The following FPR3 variants were observed in gnomAD, a reference collection of about 807,000 sequenced individuals.
FPR3 encodes formyl peptide receptor 3, also known as N-formyl peptide receptor 3.
For synonymous variants in FPR3, 135 were observed against 163.6 expected, an observed-to-expected ratio of 0.83 and a Z score of 1.34; for missense variants, 346 against 443.2, an observed-to-expected ratio of 0.78 and a Z score of 1.97.
intron 1 of FPR3, among the ~76,000 whole-genome samples, chr19:51,804,308 G>T (rs1400629897): frequency 6.6e-6 from 1 of 152,026 alleles, no homozygotes; most frequent in Non-Finnish European, 1.5e-5. Flanking sequence ...CCAGATCTAG[G>T]AAACGTAATC....
At chr19:51,799,902 C>T (rs759009632) in intron 1 of FPR3, among the ~76,000 whole-genome samples, 18 of 152,358 alleles carry the variant, frequency 1.2e-4, no homozygotes, top group Admixed American at 9.8e-4. Flanking sequence ...TACTGGCCTC[C>T]AGCCAGAGAG....
intron 1 of FPR3, among the ~76,000 whole-genome samples, chr19:51,799,240 G>A (rs528614157): frequency 7.2e-5 from 11 of 152,142 alleles, no homozygotes; most frequent in Middle Eastern, 3.4e-3. Flanking sequence ...TGTACCTCCC[G>A]GGGTCTGTGA....
intron 1 of FPR3, among the ~76,000 whole-genome samples, chr19:51,805,825 T>C (rs2084055195): frequency 6.6e-6 from 1 of 152,208 alleles, no homozygotes; most frequent in South Asian, 2.1e-4. Flanking sequence ...CCTAAGGCTC[T>C]ACGGGCACAA....
At position 51,824,533 on chromosome 19, in the gene FPR3, T is replaced by C. The variant is rs1323789281; in HGVS notation, c.785T>C (p.Ile262Thr). Residue 262 changes from isoleucine (I) to threonine (T), a missense_variant, in exon 2 of 2, where the codon ATT becomes ACT. Ile to Thr is a moderately conservative substitution (Grantham distance 89). Transcript: ENST00000339223. This position sits in a 1 kb window ranked among gnomAD's most constrained non-coding sequence, Gnocchi z 4.7. ...TGGTTCCCTTATGAACTAATTGGCA[T>C]TCTAATGGCAGTCTGGCTCAAAGAG... ...ICWFPYELIG[I>T]LMAVWLKEML... The C allele has an allele frequency of 6.2e-7, 1 of 1,614,130 alleles. No homozygotes were observed. Among genetic ancestry groups the C allele is most frequent in the Non-Finnish European group, 8.5e-7 (1 of 1,179,976 alleles).
intron 1 of FPR3, among the ~76,000 whole-genome samples, chr19:51,814,138 C>A (rs1407318553): frequency 2.0e-5 from 3 of 152,058 alleles, no homozygotes; most frequent in Non-Finnish European, 4.4e-5. Context: ...TGAAAACATC[C>A]TTTGGTATAG....
intron 1 of FPR3, among the ~76,000 whole-genome samples, chr19:51,805,660 T>C (rs1338140495): frequency 6.6e-6 from 1 of 152,236 alleles, no homozygotes; most frequent in African/African-American, 2.4e-5. Context: ...TGTAACTCAG[T>C]GTTAATTTTA....
chr19:51,819,940 C>T (rs7247613), intron 1 of FPR3, among the ~76,000 whole-genome samples: 56,216 of 151,590 alleles, frequency 0.37, 10,906 homozygotes, highest in South Asian at 0.52. Context: ...CTTGGGAAGA[C>T]GAGAGACAGT....
chr19:51,823,330 A>G (rs1459430169), intron 1 of FPR3, among the ~76,000 whole-genome samples: 1 of 152,158 alleles, frequency 6.6e-6, no homozygotes, highest in Admixed American at 6.5e-5. Flanking sequence ...CATGGGGCCG[A>G]AAGAAGTTGC....
At chr19:51,795,526 TTTTTTTTG>T (rs2083992553) in intron 1 of FPR3, among the ~76,000 whole-genome samples, 195 bp downstream of exon 1, 1 of 131,382 alleles carries the variant, frequency 7.6e-6, no homozygotes, top group Non-Finnish European at 1.6e-5. Context: ...TTTTTTTTTT[TTTTTTTTG>T]ATGGAGTCTT....
intron 1 of FPR3, among the ~76,000 whole-genome samples, chr19:51,808,206 C>CA (rs2084073170): frequency 6.6e-6 from 1 of 152,226 alleles, no homozygotes; most frequent in Non-Finnish European, 1.5e-5. Context: ...TAACATCGGT[C>CA]ATGGCCAATT....
intron 1 of FPR3, among the ~76,000 whole-genome samples, chr19:51,806,203 G>A (rs1426703666): frequency 1.3e-5 from 2 of 152,052 alleles, no homozygotes; most frequent in East Asian, 1.9e-4. Context: ...GGCTCGTACC[G>A]GAGGGACTGG....
chr19:51,799,239 C>T (rs1012520074), intron 1 of FPR3, among the ~76,000 whole-genome samples: 1 of 152,100 alleles, frequency 6.6e-6, no homozygotes, highest in Non-Finnish European at 1.5e-5. Flanking sequence ...ATGTACCTCC[C>T]GGGGTCTGTG....
At chr19:51,799,062 A>G (rs2084015172) in intron 1 of FPR3, among the ~76,000 whole-genome samples, 1 of 151,896 alleles carries the variant, frequency 6.6e-6, no homozygotes, top group African/African-American at 2.4e-5. Context: ...AGCCGAGATC[A>G]CACCGCTGCA....
intron 1 of FPR3, among the ~76,000 whole-genome samples, chr19:51,808,964 T>A (rs1168606512): frequency 6.6e-6 from 1 of 152,196 alleles, no homozygotes; most frequent in Non-Finnish European, 1.5e-5. Context: ...AGTGAGGCAG[T>A]GGGCAGAGGA....
At chr19:51,806,454 C>T (rs536350838) in intron 1 of FPR3, among the ~76,000 whole-genome samples, 1 of 152,326 alleles carries the variant, frequency 6.6e-6, no homozygotes, top group East Asian at 1.9e-4. Context: ...GTCTTACCAT[C>T]CGTACCAGGA....
chr19:51,824,536 T>A lies in FPR3; in HGVS notation c.788T>A (p.Leu263Gln), dbSNP rs1378893513. Residue 263 changes from leucine to glutamine, a missense_variant, in exon 2 of 2, where the codon CTA (leucine) becomes CAA (glutamine). Leu to Gln is a moderately radical substitution (Grantham distance 113). Coordinates refer to ENST00000339223, the MANE Select transcript of FPR3 (RefSeq NM_002030.5). The surrounding 1 kb of genome is among the most constrained non-coding windows in gnomAD (Gnocchi z 4.7). ...TTCCCTTATGAACTAATTGGCATTC[T>A]AATGGCAGTCTGGCTCAAAGAGATG... ...CWFPYELIGI[L>Q]MAVWLKEMLL... is the part of the protein sequence containing the mutation. 1 of 1,614,162 alleles carries A rather than the reference T, an allele frequency of 6.2e-7. No individual in the cohort carries two copies. Among genetic ancestry groups the A allele is most frequent in the Non-Finnish European group, 8.5e-7 (1 of 1,179,988 alleles).
chr19:51,817,069 C>T (rs149101049), intron 1 of FPR3, among the ~76,000 whole-genome samples: 169 of 152,260 alleles, frequency 1.1e-3, no homozygotes, highest in African/African-American at 4.0e-3. Context: ...CAGTCTCCCA[C>T]AGAAGGTTAG....
intron 1 of FPR3, among the ~76,000 whole-genome samples, chr19:51,813,767 C>G (rs973158619): frequency 6.6e-6 from 1 of 152,154 alleles, no homozygotes; most frequent in Admixed American, 6.5e-5. Flanking sequence ...ATCTCCTGAC[C>G]TCGTGATCCA....
intron 1 of FPR3, among the ~76,000 whole-genome samples, chr19:51,816,513 G>A (rs1041275445): frequency 6.6e-6 from 1 of 152,254 alleles, no homozygotes; most frequent in Non-Finnish European, 1.5e-5. Context: ...CTCTCAAAGT[G>A]CTGGGATTAC....
Sources: allele counts gnomAD v4.1 joint callset (sites outside exome capture counted in the v4.1 genomes callset), GRCh38; gene constraint gnomAD v4.1.1; non-coding constraint Gnocchi (gnomAD v3.1); transcripts MANE v1.5; gene names NCBI Gene and HGNC (gene_info 2026-07-23, HGNC 2026-07-21).